The following MYCBP2 variants were observed in gnomAD, a reference collection of about 807,000 sequenced individuals.
MYCBP2 encodes the protein MYC binding protein 2, also known as E3 ubiquitin-protein ligase MYCBP2.
Under a neutral mutation model 525.3 loss-of-function variants are expected in MYCBP2, and 120 were observed. The ratio of observed to expected loss-of-function variants is 0.23; its 90% confidence interval spans 0.20 to 0.27. The LOEUF (loss-of-function observed/expected upper bound fraction) is 0.27, where lower values mean the gene tolerates loss of function less well. MYCBP2 is among the 10% of genes least tolerant of loss of function. MYCBP2 has a pLI of 1.00. For missense variants in MYCBP2, 4,149 were observed against 5,657.1 expected, an observed-to-expected ratio of 0.73 and a Z score of 8.55; for synonymous variants, 1,894 against 1,955.8, an observed-to-expected ratio of 0.97 and a Z score of 0.83.
At chr13:77,051,267 G>T in intron 81 of MYCBP2, 105 bp from the exon 82 acceptor site, 1 of 981,286 alleles carries the variant, frequency 1.0e-6, no homozygotes, top group Non-Finnish European at 1.5e-6. Flanking sequence ...TATTTTGAGG[G>T]CCTACATAAC....
intron 55 of MYCBP2, among the ~76,000 whole-genome samples, chr13:77,110,304 G>T (rs2048595501): frequency 6.6e-6 from 1 of 152,150 alleles, no homozygotes; most frequent in Non-Finnish European, 1.5e-5. Context: ...GTCTTATTCG[G>T]TTGAGATAAG....
chr13:77,284,507 C>CAGTGAA (rs2154355581), intron 3 of MYCBP2, among the ~76,000 whole-genome samples: 1 of 152,348 alleles, frequency 6.6e-6, no homozygotes, highest in Admixed American at 6.5e-5. Context: ...CAAAAAATAT[C>CAGTGAA]ACCTGAAAGT....
chr13:77,068,915 A>T, intron 69 of MYCBP2, 84 bp from the exon 70 acceptor site: 1 of 1,325,736 alleles, frequency 7.5e-7, no homozygotes, highest in Non-Finnish European at 1.0e-6. Flanking sequence ...ACAAAAGAAT[A>T]AGACAAGAAT....
At chr13:77,258,978 T>C (rs1402677365) in intron 13 of MYCBP2, among the ~76,000 whole-genome samples, 5 of 152,220 alleles carry the variant, frequency 3.3e-5, no homozygotes, top group East Asian at 3.9e-4. Flanking sequence ...CCAAGGGCCA[T>C]GCGCGGTGGC....
chr13:77,184,185 T>A (rs2060518342), intron 32 of MYCBP2, among the ~76,000 whole-genome samples: 1 of 152,238 alleles, frequency 6.6e-6, no homozygotes, highest in African/African-American at 2.4e-5. Flanking sequence ...TCTGATATTA[T>A]GTTTTTATCT....
chr13:77,058,263 G>A lies in MYCBP2; in HGVS notation c.13284C>T (p.Cys4428=). The A allele has an allele frequency of 2.5e-6, 4 of 1,614,206 alleles. No individual in the cohort carries two copies. Among genetic ancestry groups the A allele is most frequent in the Non-Finnish European group, 3.4e-6 (4 of 1,180,036 alleles). Residue 4428 remains cysteine, a synonymous_variant, in exon 78 of 83, where the codon TGC becomes TGT. Transcript: ENST00000544440. This position sits in a 1 kb window ranked among gnomAD's most constrained non-coding sequence, Gnocchi z 4.1. Reference sequence around the variant, plus strand: ...AGAGCGCTTCGGTGAAACATATCATGCACATGTCATCGGCGTCTTGCTTCA... The same window carrying A: ...AGAGCGCTTCGGTGAAACATATCATACACATGTCATCGGCGTCTTGCTTCA... The part of the protein sequence containing the change: ...TSLKQDADDM[C]MICFTEALSA...
At chr13:77,283,827 G>A (rs1401776927) in intron 3 of MYCBP2, among the ~76,000 whole-genome samples, 1 of 152,188 alleles carries the variant, frequency 6.6e-6, no homozygotes, top group Non-Finnish European at 1.5e-5. Context: ...AGCCCAGGAG[G>A]CGGAAGTTAA....
chr13:77,150,175 T>C (rs2056251104), intron 47 of MYCBP2, among the ~76,000 whole-genome samples: 1 of 152,100 alleles, frequency 6.6e-6, no homozygotes, highest in Non-Finnish European at 1.5e-5. Flanking sequence ...TCCCAAAGAG[T>C]TCTAGGAGAT....
At chr13:77,165,705 T>A (rs1297427081) in intron 41 of MYCBP2, among the ~76,000 whole-genome samples, 1 of 152,114 alleles carries the variant, frequency 6.6e-6, no homozygotes, top group Admixed American at 6.6e-5. Context: ...AATACTGAGG[T>A]TAGCCTTTTT....
At chr13:77,076,312 A>G (rs1427940767) in intron 68 of MYCBP2, 1 of 152,662 alleles carries the variant, frequency 6.6e-6, no homozygotes, top group African/African-American at 2.4e-5. Flanking sequence ...AGAAAAATGA[A>G]GAAGAGACAC....
chr13:77,260,021 T>A (rs1312749627), intron 13 of MYCBP2, among the ~76,000 whole-genome samples: 1 of 152,192 alleles, frequency 6.6e-6, no homozygotes, highest in Non-Finnish European at 1.5e-5. Context: ...GATAGAATAG[T>A]AAATAAGACA....
intron 42 of MYCBP2, 109 bp from the exon 43 acceptor site, chr13:77,164,650 C>CATTACTTTTGAA: frequency 1.4e-6 from 1 of 713,736 alleles, no homozygotes; most frequent in South Asian, 1.6e-5. Flanking sequence ...GAGAAGGAAG[C>CATTACTTTTGAA]ACGTGAAGCT....
chr13:77,068,505 A>C, intron 70 of MYCBP2, 60 bp downstream of exon 70: 1 of 1,565,554 alleles, frequency 6.4e-7, no homozygotes, highest in African/African-American at 1.4e-5. Context: ...TTTGCATTGC[A>C]ACTTTTAACA....
chr13:77,247,235 T>C (rs764220513), intron 15 of MYCBP2, among the ~76,000 whole-genome samples: 8 of 151,770 alleles, frequency 5.3e-5, no homozygotes, highest in African/African-American at 1.9e-4. Flanking sequence ...AAAAAACCAA[T>C]AGAGAAAATG....
chr13:77,300,972 A>G (rs2078722072), intron 1 of MYCBP2, among the ~76,000 whole-genome samples: 1 of 152,180 alleles, frequency 6.6e-6, no homozygotes, highest in Non-Finnish European at 1.5e-5. Flanking sequence ...AGGAACTCTA[A>G]TAAAGGAAAC....
intron 19 of MYCBP2, 67 bp downstream of exon 19, chr13:77,225,368 T>C: frequency 6.2e-7 from 1 of 1,600,978 alleles, no homozygotes; most frequent in South Asian, 1.1e-5. Context: ...GTTCATCAAA[T>C]CTGAAGAAAT....
intron 1 of MYCBP2, among the ~76,000 whole-genome samples, chr13:77,307,393 C>T (rs149798244): frequency 6.6e-6 from 1 of 151,718 alleles, no homozygotes; most frequent in African/African-American, 2.4e-5. Flanking sequence ...CTCTATCCCT[C>T]TTCATCACTA....
chr13:77,277,474 A>G (rs2075753515), intron 4 of MYCBP2, among the ~76,000 whole-genome samples: 3 of 152,224 alleles, frequency 2.0e-5, no homozygotes, highest in African/African-American at 7.2e-5. Flanking sequence ...CCCTCTCATT[A>G]AAACAAACAA....
In MYCBP2 at chr13:77,068,660, A is replaced by G. The variant is rs1469007285; in HGVS notation, c.12076T>C (p.Ser4026Pro). ...GCCAGATATTGCCGGCCAACGTTAG[A>G]GCCACTCAGTGCTAAAACCATAGAG... is the stretch of plus-strand genomic sequence containing the variant. Reference protein sequence around the residue: ...LLSMVLALSGSNVGRQYLAQQ... With the variant: ...LLSMVLALSGPNVGRQYLAQQ... The change falls in exon 70 of 83, where the codon TCT (serine) becomes CCT (proline). Residue 4026 changes from serine (S) to proline (P), a missense_variant. By Grantham distance (74) the Ser-to-Pro change is moderately conservative (BLOSUM62 -1). Coordinates refer to ENST00000544440, the MANE Select transcript of MYCBP2 (RefSeq NM_015057.5). 2.1e-5 allele frequency: 34 copies of G among 1,614,094 alleles called. No individual in the cohort carries two copies. The highest frequency in any genetic ancestry group is 2.7e-5 in the Non-Finnish European group (32 of 1,180,032).
Sources: allele counts gnomAD v4.1 joint callset (sites outside exome capture counted in the v4.1 genomes callset), GRCh38; gene constraint gnomAD v4.1.1; non-coding constraint Gnocchi (gnomAD v3.1); transcripts MANE v1.5; gene names NCBI Gene and HGNC (gene_info 2026-07-23, HGNC 2026-07-21).